UST: variants seen among roughly 807,000 people sequenced by gnomAD.
UST encodes uronyl 2-sulfotransferase.
In UST, 21 loss-of-function variants were observed where a neutral mutation model predicts 45.6. The ratio of observed to expected loss-of-function variants is 0.46; its 90% CI spans 0.33 to 0.66. The LOEUF is 0.66. Among genes scored for constraint, UST ranks in the 30% least tolerant of loss-of-function variants. The pLI, the probability that UST is intolerant of heterozygous loss-of-function variation, is 0.02. For missense variants in UST, 463 were observed against 512.4 expected (o/e 0.90, Z 0.93); for synonymous variants, 215 against 200.6 (o/e 1.07, Z -0.61).
chr6:149,048,941 T>C (rs1356462661), intron 7 of UST, among the ~76,000 whole-genome samples: 4 of 152,166 alleles, frequency 2.6e-5, no homozygotes, highest in South Asian at 2.1e-4. Flanking sequence ...TGTTAACCCC[T>C]GGGGTAAAGA....
chr6:148,854,423 C>T (rs1022329349), intron 1 of UST, among the ~76,000 whole-genome samples: 2 of 152,210 alleles, frequency 1.3e-5, no homozygotes, highest in Admixed American at 6.5e-5. Flanking sequence ...TACTCTTTGT[C>T]TTCTCCTTTT....
intron 1 of UST, among the ~76,000 whole-genome samples, chr6:148,791,017 C>T (rs1258531147): frequency 1.3e-5 from 2 of 152,246 alleles, no homozygotes; most frequent in Admixed American, 6.5e-5. Flanking sequence ...GGTTACAGTT[C>T]GCTGACTACT....
intron 1 of UST, among the ~76,000 whole-genome samples, chr6:148,758,447 G>T (rs982968889): frequency 5.3e-5 from 8 of 152,160 alleles, no homozygotes; most frequent in African/African-American, 1.7e-4. Context: ...GGAGTATGCT[G>T]GCGCTTACTC....
chr6:149,067,783 G>A lies in UST; in HGVS notation c.938-6050G>A, dbSNP rs182104643. ...GCCAGTACTTTCCAGTCATAGAGTC[G>A]ATGGAGTGCACTGGGATTTTAGATG... On this transcript the variant is annotated intron_variant, in intron 7 of 7. Coordinates refer to ENST00000367463, the MANE Select transcript of UST (RefSeq NM_005715.3). Among the ~76,000 whole-genome samples, 26 of 152,264 alleles carry A rather than the reference G, an allele frequency of 1.7e-4. No individual in the cohort carries two copies. The East Asian group carries it at 4.2e-3, about 25-fold the overall frequency.
intron 3 of UST, among the ~76,000 whole-genome samples, chr6:148,942,735 T>G (rs181869835): frequency 4.3e-4 from 66 of 152,344 alleles, no homozygotes; most frequent in African/African-American, 1.6e-3. Flanking sequence ...AGTAGAACTG[T>G]TTTAAGACAG....
intron 2 of UST, among the ~76,000 whole-genome samples, chr6:148,901,136 C>T (rs1779248175): frequency 6.6e-6 from 1 of 152,218 alleles, no homozygotes; most frequent in Non-Finnish European, 1.5e-5. Context: ...AGGACATGGG[C>T]ATCTTTGGGG....
chr6:148,787,885 A>T (rs1417860198), intron 1 of UST, among the ~76,000 whole-genome samples: 2 of 152,070 alleles, frequency 1.3e-5, no homozygotes, highest in Non-Finnish European at 2.9e-5. Flanking sequence ...TTACATGACA[A>T]ATCTTTGTGA....
At chr6:148,843,755 A>G (rs879578320) in intron 1 of UST, among the ~76,000 whole-genome samples, 3 of 152,328 alleles carry the variant, frequency 2.0e-5, no homozygotes, top group Admixed American at 2.0e-4. Flanking sequence ...GTTCAAATAC[A>G]TTTGTAATTT....
intron 5 of UST, chr6:148,990,349 T>A: frequency 1.0e-6 from 1 of 976,074 alleles, no homozygotes; most frequent in South Asian, 4.7e-5. Flanking sequence ...TGCCATGAGA[T>A]CTTTCTTTCT....
intron 2 of UST, among the ~76,000 whole-genome samples, chr6:148,940,613 G>C (rs1179245580): frequency 6.6e-6 from 1 of 152,156 alleles, no homozygotes; most frequent in Non-Finnish European, 1.5e-5. Flanking sequence ...AAATGGTTTA[G>C]CAGTCCTTCA....
At chr6:148,922,675 G>C (rs1008441039) in intron 2 of UST, among the ~76,000 whole-genome samples, 4 of 151,030 alleles carry the variant, frequency 2.6e-5, no homozygotes, top group Non-Finnish European at 5.9e-5. Context: ...GGGTTTCACT[G>C]TGTTAGCCAG....
intron 2 of UST, among the ~76,000 whole-genome samples, chr6:148,900,506 T>C (rs1365439855): frequency 6.6e-6 from 1 of 152,212 alleles, no homozygotes; most frequent in Non-Finnish European, 1.5e-5. Flanking sequence ...TCTTCTCTTG[T>C]CTGCCACCAT....
At chr6:148,932,167 G>A (rs547444200) in intron 2 of UST, among the ~76,000 whole-genome samples, 56 of 152,300 alleles carry the variant, frequency 3.7e-4, no homozygotes, top group African/African-American at 1.3e-3. Context: ...ATCACTTGAG[G>A]CCAGGAGTTC....
intron 1 of UST, among the ~76,000 whole-genome samples, chr6:148,837,096 G>A (rs1002920140): frequency 2.0e-5 from 3 of 152,150 alleles, no homozygotes; most frequent in Admixed American, 2.0e-4. Flanking sequence ...GGTATTATCA[G>A]TACACCTGAT....
intron 5 of UST, among the ~76,000 whole-genome samples, chr6:148,979,286 A>G (rs1461000798): frequency 6.6e-6 from 1 of 152,234 alleles, no homozygotes; most frequent in African/African-American, 2.4e-5. Context: ...TAATAAATGC[A>G]GACTAGAACC....
chr6:148,795,299 G>A (rs1582816699), intron 1 of UST, among the ~76,000 whole-genome samples: 1 of 152,174 alleles, frequency 6.6e-6, no homozygotes. Context: ...AGGCTCAGTT[G>A]CCTGGTCTTC....
At position 148,886,561 on chromosome 6, in the gene UST, C is replaced by T. The variant is rs182210440; in HGVS notation, c.248-425C>T. 4.6e-5 allele frequency among the ~76,000 whole-genome samples: 7 copies of T among 152,200 alleles called. No individual in the cohort carries two copies. The East Asian group carries it at 1.3e-3, about 29-fold the overall frequency. ...AGAAAGAGAGTATGGGGTTCAGGAC[C>T]GGCAGCATCAGTATCTCTTGGGAAC... On this transcript the variant is annotated intron_variant, in intron 1 of 7. Transcript: ENST00000367463.
chr6:148,850,519 A>T (rs969687971), intron 1 of UST, among the ~76,000 whole-genome samples: 2 of 152,152 alleles, frequency 1.3e-5, no homozygotes, highest in African/African-American at 4.8e-5. Flanking sequence ...GAAAGCCCAC[A>T]CTTCACTATT....
intron 3 of UST, among the ~76,000 whole-genome samples, chr6:148,946,807 C>A (rs1780247979): frequency 1.1e-5 from 1 of 92,794 alleles, no homozygotes; most frequent in Non-Finnish European, 1.9e-5. Context: ...GAGCGAGACT[C>A]CATCCCAAAA....
Sources: gnomAD v4.1 joint callset for allele counts (sites outside exome capture counted in the v4.1 genomes callset) on GRCh38, gnomAD v4.1.1 for gene constraint, MANE v1.5 for transcripts, NCBI Gene and HGNC (gene_info 2026-07-23, HGNC 2026-07-21) for gene names.